Variants in ST6GALNAC1 observed in about 807,000 individuals in gnomAD.
The protein encoded by ST6GALNAC1 is alpha-N-acetylgalactosaminide alpha-2,6-sialyltransferase 1.
Under a neutral mutation model 56.8 loss-of-function variants are expected in ST6GALNAC1, and 45 were observed. The ratio of observed to expected loss-of-function variants is 0.79; its 90% CI spans 0.62 to 1.02. ST6GALNAC1 has a LOEUF of 1.02. Among genes scored for constraint, ST6GALNAC1 ranks in the 50% least tolerant of loss-of-function variants. The pLI, the probability that ST6GALNAC1 is intolerant of heterozygous loss-of-function variation, is 0.00. For synonymous variants in ST6GALNAC1, 295 were observed against 297.8 expected (o/e 0.99, Z 0.10); for missense variants, 743 against 754.8 (o/e 0.98, Z 0.18).
rs917552198 is a variant in ST6GALNAC1, at chr17:76,627,193, T to C, written c.1046A>G (p.Gln349Arg). ...VTRFPPVPQQ[Q>R]LLLASLPAGS... ...AGCGGGGAGGCTGGCCAGGAGCAGC[T>C]GCTGCTGGGGCACTGGAGGGAAGCG... The change falls in exon 4 of 9, where the codon CAG becomes CGG. Residue 349 changes from glutamine to arginine, a missense_variant. Coordinates refer to ENST00000156626, the MANE Select transcript of ST6GALNAC1 (RefSeq NM_018414.5). This position sits in a 1 kb window ranked among gnomAD's most constrained non-coding sequence, Gnocchi z 4.4. 1 of 1,598,672 alleles carries C rather than the reference T, an allele frequency of 6.3e-7. No homozygotes were observed. The highest frequency in any genetic ancestry group is 8.5e-7 in the Non-Finnish European group (1 of 1,172,122).
At position 76,625,232 on chromosome 17, in the gene ST6GALNAC1, T is replaced by C; in HGVS notation, c.*98A>G. 1 of 1,311,712 alleles carries C rather than the reference T, an allele frequency of 7.6e-7. No homozygotes were observed. 81.3% of individuals were successfully genotyped at this position (1,311,712 alleles called of 1,614,324 possible). The stretch of plus-strand genomic sequence containing the variant: ...TTGGAACTCCTGAAGGGCTTGGAGC[T>C]TAGTCTGAGCCATGGGAAATGGCCA... On this transcript the variant is annotated 3_prime_UTR_variant, in exon 9 of 9. Transcript: ENST00000156626.
In ST6GALNAC1 at chr17:76,627,339, C is replaced by T. The variant is rs2075817376; in HGVS notation, c.1000+76G>A. ...TGGCAAACCCCAGGGAAGAGGCAGA[C>T]CAGAAAGCCAGCTGCCCTCTGCCCT... On this transcript the variant is annotated intron_variant, in intron 3 of 8. Coordinates refer to ENST00000156626, the MANE Select transcript of ST6GALNAC1 (RefSeq NM_018414.5). This position sits in a 1 kb window ranked among gnomAD's most constrained non-coding sequence, Gnocchi z 4.4. 6.4e-7 allele frequency: 1 copy of T among 1,573,816 alleles called. No individual in the cohort carries two copies. The highest frequency in any genetic ancestry group is 8.6e-7 in the Non-Finnish European group (1 of 1,157,112).
In ST6GALNAC1 at chr17:76,624,834, C is replaced by T. The variant is rs373664728; in HGVS notation, c.*496G>A. The T allele has an allele frequency of 5.1e-5, 8 of 156,894 alleles. No homozygotes were observed. In the East Asian group the frequency reaches 5.6e-4, roughly 11 times the overall value. 9.7% of individuals were successfully genotyped at this position (156,894 alleles called of 1,614,324 possible). On this transcript the variant is annotated 3_prime_UTR_variant, in exon 9 of 9. Coordinates refer to ENST00000156626, the MANE Select transcript of ST6GALNAC1 (RefSeq NM_018414.5). ...GTATTATTATCAGTTTTCTACAACACGTAGAGTTGTCAAATAGCTTAAAGA... is the reference window on the plus strand; with the variant it reads ...GTATTATTATCAGTTTTCTACAACATGTAGAGTTGTCAAATAGCTTAAAGA...
At chr17:76,640,362 G>A (rs1357970687) in intron 1 of ST6GALNAC1, among the ~76,000 whole-genome samples, 3 of 152,298 alleles carry the variant, frequency 2.0e-5, no homozygotes, top group African/African-American at 7.2e-5. Flanking sequence ...CTCTAGACCA[G>A]AACCAGGCAT....
In ST6GALNAC1 at chr17:76,629,088, T is replaced by G; in HGVS notation, c.755A>C (p.Lys252Thr). ...AGGCTCAGATTTGAAGTTGGCGGCC[T>G]TCAGTCTTTGGTTTCTCTGCGTCGT... ...SPTTQRNQRLKAANFKSEPRW... is the reference protein window; with the variant it reads ...SPTTQRNQRLTAANFKSEPRW... Residue 252 changes from lysine to threonine, a missense_variant, in exon 2 of 9, where the codon AAG becomes ACG. Transcript: ENST00000156626. 1 of 1,585,810 alleles carries G rather than the reference T, an allele frequency of 6.3e-7. No individual in the cohort carries two copies. Among genetic ancestry groups the G allele is most frequent in the South Asian group, 1.1e-5 (1 of 88,596 alleles).
At chr17:76,628,815 C>G (rs1175192896) in intron 2 of ST6GALNAC1, among the ~76,000 whole-genome samples, 197 bp downstream of exon 2, 5 of 152,166 alleles carry the variant, frequency 3.3e-5, no homozygotes, top group Non-Finnish European at 7.3e-5. Context: ...TCCTCCTCCC[C>G]CATTGTGGCC....
downstream of ST6GALNAC1, among the ~76,000 whole-genome samples, chr17:76,620,960 C>T (rs1418888002): frequency 6.6e-6 from 1 of 152,108 alleles, no homozygotes; most frequent in Non-Finnish European, 1.5e-5. Flanking sequence ...CCTAAGGCTG[C>T]CTCTGTAGAT....
chr17:76,621,943 C>CTTTTTTTT (rs71158041), downstream of ST6GALNAC1, among the ~76,000 whole-genome samples: 7 of 138,020 alleles, frequency 5.1e-5, no homozygotes, highest in South Asian at 2.3e-4. Flanking sequence ...TCTTTCTTTT[C>CTTTTTTTT]TTTTTTTTTT....
chr17:76,620,127 G>A (rs1051102622), downstream of ST6GALNAC1, among the ~76,000 whole-genome samples: 1 of 152,040 alleles, frequency 6.6e-6, no homozygotes, highest in Non-Finnish European at 1.5e-5. Context: ...TGCAACCTCT[G>A]CCCCTCGGGT....
chr17:76,622,233 T>C (rs932016004), downstream of ST6GALNAC1, among the ~76,000 whole-genome samples: 1 of 140,962 alleles, frequency 7.1e-6, no homozygotes, highest in Admixed American at 7.5e-5. Flanking sequence ...TTTTGGTCTA[T>C]TTTCCTCAAA....
chr17:76,626,179 A>C (rs2075795380), intron 6 of ST6GALNAC1, 84 bp from the exon 7 acceptor site: 1 of 1,544,070 alleles, frequency 6.5e-7, no homozygotes, highest in African/African-American at 1.4e-5. Flanking sequence ...CATGACTGGT[A>C]TCCCATCTCC....
downstream of ST6GALNAC1, among the ~76,000 whole-genome samples, chr17:76,624,338 C>T (rs186091790): frequency 1.5e-3 from 226 of 152,204 alleles, 2 homozygotes; most frequent in Middle Eastern, 6.8e-3. Flanking sequence ...GCAACTCTGC[C>T]CCCCAGGTTC....
rs779138877 is a variant in ST6GALNAC1 at position 76,626,389 on chromosome 17, C to T, written c.1315G>A (p.Val439Ile). ...GFKNVPLGKD[V>I]RYLHFLEGTR... is the part of the protein sequence containing the mutation. Reference sequence around the variant, plus strand: ...CCTTCCAGGAAGTGCAAGTAGCGGACGTCCTGAGGACCAAGGACAGGGAGT... The same window carrying T: ...CCTTCCAGGAAGTGCAAGTAGCGGATGTCCTGAGGACCAAGGACAGGGAGT... Residue 439 changes from valine to isoleucine, a missense_variant, in exon 6 of 9, where the codon GTC becomes ATC. Val to Ile is a conservative substitution (Grantham distance 29, BLOSUM62 3). Transcript: ENST00000156626. 18 of 1,614,034 alleles carry T rather than the reference C, an allele frequency of 1.1e-5. No individual in the cohort carries two copies. The highest frequency in any genetic ancestry group is 5.5e-5 in the South Asian group (5 of 91,078).
intron 1 of ST6GALNAC1, among the ~76,000 whole-genome samples, chr17:76,634,739 C>G (rs577874858): frequency 2.6e-5 from 4 of 152,022 alleles, no homozygotes; most frequent in Non-Finnish European, 5.9e-5. Context: ...CAAAAATTAG[C>G]TGGGCATGGT....
At chr17:76,634,216 G>A (rs1191344097) in intron 1 of ST6GALNAC1, among the ~76,000 whole-genome samples, 1 of 152,116 alleles carries the variant, frequency 6.6e-6, no homozygotes, top group African/African-American at 2.4e-5. Flanking sequence ...CTTAAGTCCT[G>A]GGCTCTTTCT....
chr17:76,620,407 A>G (rs2075728326), downstream of ST6GALNAC1, among the ~76,000 whole-genome samples: 1 of 152,004 alleles, frequency 6.6e-6, no homozygotes, highest in African/African-American at 2.4e-5. Context: ...TGTTGATTTC[A>G]TTATTTTTTG....
Position 76,627,347 on chromosome 17 carries a change from C to T in ST6GALNAC1, c.1000+68G>A. ...CCCAGGGAAGAGGCAGACCAGAAAGCCAGCTGCCCTCTGCCCTCTGCCCCG... is the reference window on the plus strand; with the variant it reads ...CCCAGGGAAGAGGCAGACCAGAAAGTCAGCTGCCCTCTGCCCTCTGCCCCG... On this transcript the variant is annotated intron_variant, in intron 3 of 8. Coordinates refer to ENST00000156626, the MANE Select transcript of ST6GALNAC1 (RefSeq NM_018414.5). This position sits in a 1 kb window ranked among gnomAD's most constrained non-coding sequence, Gnocchi z 4.4. 6.3e-7 allele frequency: 1 copy of T among 1,586,460 alleles called. No homozygotes were observed.
intron 1 of ST6GALNAC1, among the ~76,000 whole-genome samples, chr17:76,631,340 A>G (rs960432067): frequency 1.3e-5 from 2 of 152,222 alleles, no homozygotes; most frequent in African/African-American, 4.8e-5. Flanking sequence ...ATTTCTAACC[A>G]GAAAGGAGAG....
downstream of ST6GALNAC1, among the ~76,000 whole-genome samples, chr17:76,620,001 C>T (rs1378383808): frequency 6.6e-6 from 1 of 151,838 alleles, no homozygotes; most frequent in Non-Finnish European, 1.5e-5. Flanking sequence ...GCCTCGGCCT[C>T]CCAAAGTGCT....
Sources: gnomAD v4.1 joint callset for allele counts (sites outside exome capture counted in the v4.1 genomes callset) on GRCh38, gnomAD v4.1.1 for gene constraint, Gnocchi (gnomAD v3.1) non-coding constraint, MANE v1.5 for transcripts, NCBI Gene and HGNC (gene_info 2026-07-23, HGNC 2026-07-21) for gene names.